Variants in FBXO47 observed in about 807,000 individuals in gnomAD.
FBXO47 encodes F-box protein 47.
Under a neutral mutation model 53.9 loss-of-function variants are expected in FBXO47, and 34 were observed. The observed-to-expected ratio is 0.63, with a 90% CI of 0.48 to 0.84. The LOEUF (loss-of-function observed/expected upper bound fraction) is 0.84. Ranked by LOEUF, FBXO47 falls within the 40% of genes least tolerant of loss-of-function variation. The pLI, the probability that FBXO47 is intolerant of heterozygous loss-of-function variation, is 0.00. For synonymous variants in FBXO47, 165 were observed against 181.6 expected, an observed-to-expected ratio of 0.91 and a Z score of 0.73; for missense variants, 485 against 541.3, an observed-to-expected ratio of 0.90 and a Z score of 1.03.
chr17:38,945,948 A>AAAAAAAAAAAAAAAAAAT (rs1184511532), intron 6 of FBXO47, among the ~76,000 whole-genome samples: 1 of 117,158 alleles, frequency 8.5e-6, no homozygotes, highest in African/African-American at 3.5e-5. Context: ...AAAAAAAAAA[A>AAAAAAAAAAAAAAAAAAT]ATATATATAT....
intron 1 of FBXO47, among the ~76,000 whole-genome samples, chr17:38,964,393 C>T (rs180698623): frequency 1.5e-4 from 23 of 151,762 alleles, no homozygotes; most frequent in Non-Finnish European, 2.5e-4. Flanking sequence ...GTCAGGAGTT[C>T]GAGACCAGCC....
At position 38,961,916 on chromosome 17, in the gene FBXO47, T is replaced by C. The variant is rs1567722988; in HGVS notation, c.313A>G (p.Arg105Gly). The C allele has an allele frequency of 6.2e-7, 1 of 1,614,096 alleles. No individual in the cohort carries two copies. Among genetic ancestry groups the C allele is most frequent in the Non-Finnish European group, 8.5e-7 (1 of 1,179,990 alleles). ...DFHNLELPDR[R>G]QDSAILEHYR... ...TGCTCCAGTATAGCAGAGTCTTGTC[T>C]CCTGTCAGGCAGCTCAAGGTTATGA... The change falls in exon 3 of 11, where the codon AGA (arginine) becomes GGA (glycine). Residue 105 changes from arginine to glycine, a missense_variant. Coordinates refer to ENST00000378079, the MANE Select transcript of FBXO47 (RefSeq NM_001008777.3).
chr17:38,946,315 AATATATATAAATATAT>A (rs1904815798), intron 6 of FBXO47, among the ~76,000 whole-genome samples: 1 of 86,410 alleles, frequency 1.2e-5, no homozygotes, highest in African/African-American at 5.6e-5. Flanking sequence ...TAAATATATA[AATATATATAAATATAT>A]AAATATATAT....
At chr17:38,948,704 C>A (rs963418447) in intron 6 of FBXO47, among the ~76,000 whole-genome samples, 1 of 151,764 alleles carries the variant, frequency 6.6e-6, no homozygotes, top group Non-Finnish European at 1.5e-5. Flanking sequence ...CACAGGTAAA[C>A]GTGTACCATG....
chr17:38,954,300 AAAAT>A (rs550693999), intron 5 of FBXO47, among the ~76,000 whole-genome samples: 4 of 152,110 alleles, frequency 2.6e-5, no homozygotes, highest in East Asian at 1.9e-4. Flanking sequence ...TCCGTCTCAA[AAAAT>A]AAATAAATAA....
In FBXO47 at chr17:38,937,146, G is replaced by A. The variant is rs780539908; in HGVS notation, c.*29C>T. On this transcript the variant is annotated 3_prime_UTR_variant, in exon 11 of 11. Transcript: ENST00000378079. ...CTCCTCTAATCATTCGTTCAGTGAC[G>A]TTCTCTAAAGGCAAGGCTTTCTGAG... is the stretch of plus-strand genomic sequence containing the variant. 3 of 990,142 alleles carry A rather than the reference G, an allele frequency of 3.0e-6. No individual in the cohort carries two copies. The highest frequency in any genetic ancestry group is 1.7e-5 in the African/African-American group (1 of 60,028). 61.3% of individuals were successfully genotyped at this position (990,142 alleles called of 1,614,324 possible).
At chr17:38,952,947 C>T (rs1485596107) in intron 5 of FBXO47, among the ~76,000 whole-genome samples, 2 of 151,104 alleles carry the variant, frequency 1.3e-5, no homozygotes, top group Non-Finnish European at 2.9e-5. Flanking sequence ...AGCAACTACG[C>T]CTGGCTATTT....
chr17:38,946,046 T>A (rs945818937), intron 6 of FBXO47, among the ~76,000 whole-genome samples: 1 of 105,428 alleles, frequency 9.5e-6, no homozygotes, highest in Non-Finnish European at 1.8e-5. Flanking sequence ...TAAATATATA[T>A]AAAATATATA....
In FBXO47 at chr17:38,936,995, C is replaced by A; in HGVS notation, c.*180G>T. 1 of 401,594 alleles carries A rather than the reference C, an allele frequency of 2.5e-6. No homozygotes were observed. The highest frequency in any genetic ancestry group is 4.4e-6 in the Non-Finnish European group (1 of 227,660). 24.9% of individuals were successfully genotyped at this position (401,594 alleles called of 1,614,324 possible). Reference sequence around the variant, plus strand: ...AATCTCAGCACATTCTTGAGGCTGCCTGTTATTTTTATATTAATAATGATG... The same window carrying A: ...AATCTCAGCACATTCTTGAGGCTGCATGTTATTTTTATATTAATAATGATG... On this transcript the variant is annotated 3_prime_UTR_variant, in exon 11 of 11. Coordinates refer to ENST00000378079, the MANE Select transcript of FBXO47 (RefSeq NM_001008777.3).
At chr17:38,951,756 C>CGTG in intron 5 of FBXO47, 67 bp from the exon 6 acceptor site, 1 of 1,221,040 alleles carries the variant, frequency 8.2e-7, no homozygotes, top group Non-Finnish European at 1.2e-6. Flanking sequence ...TCACACCAGG[C>CGTG]ATGGTGGCTC....
chr17:38,959,145 C>A (rs62075217), intron 3 of FBXO47, among the ~76,000 whole-genome samples: 19,659 of 150,906 alleles, frequency 0.13, 1,858 homozygotes, highest in East Asian at 0.29. Context: ...CCAATACTGG[C>A]TGTTTAAAAA....
At position 38,954,842 on chromosome 17, in the gene FBXO47, TA is replaced by T. The variant is rs761956756; in HGVS notation, c.507+13del. On this transcript the variant is annotated intron_variant, in intron 5 of 10. Transcript: ENST00000378079. ...AAAGGTATCCCTTTTCTTCTCTGAT[TA>T]AAAAAAATGTACCTGTAAAAACATG... The T allele has an allele frequency of 1.4e-4, 222 of 1,547,884 alleles. No homozygotes were observed. Among genetic ancestry groups the T allele is most frequent in the South Asian group, 2.1e-4 (18 of 86,668 alleles).
Position 38,962,922 on chromosome 17 carries a change from A to G in FBXO47, c.104T>C (p.Phe35Ser). The change falls in exon 2 of 11, where the codon TTT becomes TCT. Residue 35 changes from phenylalanine to serine, a missense_variant. Coordinates refer to ENST00000378079, the MANE Select transcript of FBXO47 (RefSeq NM_001008777.3). ...SCYSKTLGSG[F>S]QPISTFGNFK... ...ATTTCCAAATGTTGATATGGGTTGA[A>G]AGCCTGAGCCAAGGGTCTTGGAATA... 1 of 1,613,698 alleles carries G rather than the reference A, an allele frequency of 6.2e-7. No homozygotes were observed. The highest frequency in any genetic ancestry group is 8.5e-7 in the Non-Finnish European group (1 of 1,179,692).
Position 38,954,884 on chromosome 17 carries a change from C to T in FBXO47, c.479G>A (p.Gly160Glu). The part of the protein sequence containing the change: ...NGCAAPMQCL[G>E]LTCYGMFLQT... Reference sequence around the variant, plus strand: ...TAAAAACATGCCATAACATGTTAATCCTAAACACTGCATAGGAGCTGCACA... The same window carrying T: ...TAAAAACATGCCATAACATGTTAATTCTAAACACTGCATAGGAGCTGCACA... The change falls in exon 5 of 11, where the codon GGA (glycine) becomes GAA (glutamate). Residue 160 changes from glycine to glutamate, a missense_variant. Physicochemically the swap from Gly to Glu is moderately conservative, Grantham distance 98 (BLOSUM62 -2). Coordinates refer to ENST00000378079, the MANE Select transcript of FBXO47 (RefSeq NM_001008777.3). 1 of 1,609,746 alleles carries T rather than the reference C, an allele frequency of 6.2e-7. No individual in the cohort carries two copies. The highest frequency in any genetic ancestry group is 1.1e-5 in the South Asian group (1 of 90,010).
intron 7 of FBXO47, 151 bp from the exon 8 acceptor site, chr17:38,943,887 A>G: frequency 1.4e-6 from 1 of 726,318 alleles, no homozygotes. Context: ...AATTCTGGTA[A>G]TAGTATAGAT....
At chr17:38,939,829 G>A (rs965680863) in intron 9 of FBXO47, among the ~76,000 whole-genome samples, 6 of 150,170 alleles carry the variant, frequency 4.0e-5, no homozygotes, top group East Asian at 2.0e-4. Context: ...CACCGCGCCC[G>A]GCTAATTTTT....
chr17:38,953,079 C>T lies in FBXO47; in HGVS notation c.508-1390G>A, dbSNP rs370833661. On this transcript the variant is annotated intron_variant, in intron 5 of 10. Coordinates refer to ENST00000378079, the MANE Select transcript of FBXO47 (RefSeq NM_001008777.3). ...ATCACTTGAGGTCAGGAGTTTGAAA[C>T]CAGCCTGGCCAACATGGTGAAACCC... 2.3e-3 allele frequency among the ~76,000 whole-genome samples: 337 copies of T among 149,184 alleles called. 1 individual carries two copies. Among genetic ancestry groups the T allele is most frequent in the African/African-American group, 8.1e-3 (328 of 40,544 alleles).
Position 38,945,007 on chromosome 17 carries a change from T to C in FBXO47, c.746A>G (p.Gln249Arg), listed in dbSNP as rs2143899871. 1 of 1,614,086 alleles carries C rather than the reference T, an allele frequency of 6.2e-7. No individual in the cohort carries two copies. The highest frequency in any genetic ancestry group is 8.5e-7 in the Non-Finnish European group (1 of 1,179,980). ...RILKPWPMVN[Q>R]ARLLYIIFGP... ...AAAGATGATATACAGTAATCTTGCC[T>C]GATTCACCATTGGCCATGGTTTTAA... Residue 249 changes from glutamine to arginine, a missense_variant, in exon 7 of 11, where the codon CAG becomes CGG. By Grantham distance (43) the Gln-to-Arg change is conservative. Coordinates refer to ENST00000378079, the MANE Select transcript of FBXO47 (RefSeq NM_001008777.3).
At chr17:38,960,615 A>T (rs1402778189) in intron 3 of FBXO47, among the ~76,000 whole-genome samples, 1 of 151,850 alleles carries the variant, frequency 6.6e-6, no homozygotes, top group East Asian at 1.9e-4. Flanking sequence ...CGATGAATTA[A>T]AAATAATTCT....
Sources: gnomAD v4.1 joint callset for allele counts (sites outside exome capture counted in the v4.1 genomes callset) on GRCh38, gnomAD v4.1.1 for gene constraint, MANE v1.5 for transcripts, NCBI Gene and HGNC (gene_info 2026-07-23, HGNC 2026-07-21) for gene names.